The following MICU3 variants were observed in gnomAD, a reference collection of about 807,000 sequenced individuals.
MICU3 encodes mitochondrial calcium uptake 3.
MICU3 carries 62 observed loss-of-function variants against 66.5 expected under a neutral mutation model. The ratio of observed to expected loss-of-function variants is 0.93; its 90% CI spans 0.76 to 1.15. The LOEUF (loss-of-function observed/expected upper bound fraction) is 1.15. Among genes scored for constraint, MICU3 ranks in the 50% most tolerant of loss-of-function variants. MICU3 has a pLI of 0.00. For synonymous variants in MICU3, 308 were observed against 240.7 expected (o/e 1.28, Z -2.59); for missense variants, 779 against 664.4 (o/e 1.17, Z -1.90).
intron 3 of MICU3, among the ~76,000 whole-genome samples, chr8:17,072,605 A>G (rs1819761363): frequency 6.6e-6 from 1 of 152,206 alleles, no homozygotes; most frequent in African/African-American, 2.4e-5. Context: ...CAACATATCA[A>G]CAGAAGAGGG....
Position 17,069,672 on chromosome 8 carries a change from C to A in MICU3, c.536-16C>A. The A allele has an allele frequency of 6.7e-7, 1 of 1,487,072 alleles. No individual in the cohort carries two copies. Among genetic ancestry groups the A allele is most frequent in the Non-Finnish European group, 9.2e-7 (1 of 1,090,480 alleles). 92.1% of individuals were successfully genotyped at this position (1,487,072 alleles called of 1,614,324 possible). A position where few individuals can be genotyped will look rare whatever the true frequency, so the allele number is the denominator to read the frequency against. ...AAGTATTTATTATCTAATTATCTTA[C>A]ATTTGTTTATTTTAGTTGCCAAAAC... On this transcript the variant is annotated splice_polypyrimidine_tract_variant and intron_variant, in intron 2 of 14. Transcript: ENST00000318063.
At chr8:17,064,324 G>C in intron 2 of MICU3, 87 bp downstream of exon 2, 1 of 960,422 alleles carries the variant, frequency 1.0e-6, no homozygotes, top group African/African-American at 1.7e-5. Context: ...AAGTTTTTTA[G>C]AAGAACTGAG....
rs956634910 is a variant in MICU3, at chr8:17,122,235, A to G, written c.*1948A>G. ...GAATAAATAAATGTTCTGATAAAAT[A>G]GAAAAGAAAGTAAATTACAGTGATT... On this transcript the variant is annotated 3_prime_UTR_variant, in exon 15 of 15. Coordinates refer to ENST00000318063, the MANE Select transcript of MICU3 (RefSeq NM_181723.3). 3 of 151,888 alleles carry G rather than the reference A, an allele frequency of 2.0e-5. No individual in the cohort carries two copies. The highest frequency in any genetic ancestry group is 3.0e-5 in the Non-Finnish European group (2 of 67,766). 9.4% of individuals were successfully genotyped at this position (151,888 alleles called of 1,614,324 possible).
chr8:17,046,022 G>C (rs1280853014), intron 1 of MICU3, among the ~76,000 whole-genome samples: 2 of 152,196 alleles, frequency 1.3e-5, no homozygotes, highest in Non-Finnish European at 2.9e-5. Context: ...CTCTTCATCT[G>C]TATGCTTTGC....
chr8:17,070,642 T>TA (rs1819428145), intron 3 of MICU3, among the ~76,000 whole-genome samples: 1 of 150,806 alleles, frequency 6.6e-6, no homozygotes, highest in African/African-American at 2.4e-5. Flanking sequence ...AGATATGTTT[T>TA]TTTTTTTTAA....
In MICU3 at chr8:17,105,650, GC is replaced by G. The variant is rs1394725472; in HGVS notation, c.1257+69del. 8.5e-5 allele frequency: 77 copies of G among 907,432 alleles called. No individual in the cohort carries two copies. In the East Asian group the frequency reaches 1.9e-3, roughly 23 times the overall value. 56.2% of individuals were successfully genotyped at this position (907,432 alleles called of 1,614,324 possible). On this transcript the variant is annotated intron_variant, in intron 11 of 14. Coordinates refer to ENST00000318063, the MANE Select transcript of MICU3 (RefSeq NM_181723.3). Reference sequence around the variant, plus strand: ...GCAATACGTGCCTCTAAAACACATTGCCCTTTTGTTAGTTCTTTGGCTTCTC... The same window carrying G: ...GCAATACGTGCCTCTAAAACACATTGCCTTTTGTTAGTTCTTTGGCTTCTC...
Position 17,042,605 on chromosome 8 carries a change from C to T in MICU3, c.381+14945C>T, listed in dbSNP as rs562998176. Among the ~76,000 whole-genome samples the T allele has an allele frequency of 4.6e-5, 7 of 152,206 alleles. No individual in the cohort carries two copies. In the South Asian group the frequency reaches 1.5e-3, roughly 32 times the overall value. On this transcript the variant is annotated intron_variant, in intron 1 of 14. Coordinates refer to ENST00000318063, the MANE Select transcript of MICU3 (RefSeq NM_181723.3). ...CAGTGCTGAATTGTTTTATTGGTTACCATAGTAGTGCTACCATAGCATAGT... is the reference window on the plus strand; with the variant it reads ...CAGTGCTGAATTGTTTTATTGGTTATCATAGTAGTGCTACCATAGCATAGT...
At chr8:17,030,550 G>A (rs753225486) in intron 1 of MICU3, among the ~76,000 whole-genome samples, 1 of 152,094 alleles carries the variant, frequency 6.6e-6, no homozygotes, top group Admixed American at 6.5e-5. Flanking sequence ...TCTTATTAGT[G>A]TAACATCCAA....
chr8:17,069,780 A>G, intron 3 of MICU3, 61 bp downstream of exon 3: 1 of 544,694 alleles, frequency 1.8e-6, no homozygotes, highest in Non-Finnish European at 2.9e-6. Context: ...ATATACATAT[A>G]TAATTAAAAT....
intron 4 of MICU3, among the ~76,000 whole-genome samples, chr8:17,081,082 G>A (rs549214799): frequency 3.7e-4 from 57 of 152,120 alleles, no homozygotes; most frequent in African/African-American, 1.4e-3. Flanking sequence ...CAAGTATGGA[G>A]TTACTGAGAA....
intron 1 of MICU3, among the ~76,000 whole-genome samples, chr8:17,034,357 A>C (rs900158817): frequency 6.6e-6 from 1 of 152,258 alleles, no homozygotes; most frequent in South Asian, 2.1e-4. Context: ...CAAGGAGATC[A>C]GTGTTTTTAT....
chr8:17,037,406 G>T (rs981630930), intron 1 of MICU3, among the ~76,000 whole-genome samples: 4 of 152,222 alleles, frequency 2.6e-5, no homozygotes, highest in Non-Finnish European at 2.9e-5. Context: ...ACATTCTTGA[G>T]ACTTGGTACC....
chr8:17,046,940 A>G lies in MICU3; in HGVS notation c.382-17144A>G, dbSNP rs79634307. ...GACATAGCTGGCAGAAAGAAAAGCA[A>G]AACTTCTTTGGAAGGAAAAGCCCTT... is the stretch of plus-strand genomic sequence containing the variant. On this transcript the variant is annotated intron_variant, in intron 1 of 14. Transcript: ENST00000318063. 6.6e-5 allele frequency among the ~76,000 whole-genome samples: 10 copies of G among 152,242 alleles called. No individual in the cohort carries two copies. In the East Asian group the frequency reaches 1.9e-3, roughly 30 times the overall value.
chr8:17,086,899 G>C (rs1445634530), intron 6 of MICU3, 65 bp from the exon 7 acceptor site: 3 of 1,045,946 alleles, frequency 2.9e-6, no homozygotes, highest in Non-Finnish European at 4.4e-6. Context: ...ACCTAGTCCA[G>C]AATAGTAGAT....
chr8:17,079,470 G>T (rs545504968), intron 4 of MICU3, among the ~76,000 whole-genome samples: 7 of 152,024 alleles, frequency 4.6e-5, no homozygotes, highest in Admixed American at 2.0e-4. Flanking sequence ...TTTAAATAGC[G>T]ATTAAGTGGC....
intron 9 of MICU3, among the ~76,000 whole-genome samples, chr8:17,100,702 C>G (rs1325740597): frequency 6.6e-6 from 1 of 151,662 alleles, no homozygotes; most frequent in African/African-American, 2.4e-5. Context: ...GGAGCTGTTT[C>G]TAACCATAGA....
At chr8:17,118,562 C>T (rs1426125557) in intron 13 of MICU3, 145 bp from the exon 14 acceptor site, 1 of 467,158 alleles carries the variant, frequency 2.1e-6, no homozygotes, top group East Asian at 3.3e-5. Flanking sequence ...CCTTTCCTCC[C>T]CAGTCCCCCA....
At position 17,120,669 on chromosome 8, in the gene MICU3, G is replaced by C. The variant is rs1026543130; in HGVS notation, c.*382G>C. On this transcript the variant is annotated 3_prime_UTR_variant, in exon 15 of 15. Coordinates refer to ENST00000318063, the MANE Select transcript of MICU3 (RefSeq NM_181723.3). ...AATAATTTATGACTCATGGAATGTT[G>C]ATCGCCTAAAAATGAACATCGCATT... is the stretch of plus-strand genomic sequence containing the variant. 4 of 152,282 alleles carry C rather than the reference G, an allele frequency of 2.6e-5. No individual in the cohort carries two copies. The highest frequency in any genetic ancestry group is 9.7e-5 in the African/African-American group (4 of 41,380). The allele number at this position is 152,282 out of a possible 1,614,324, so 9.4% of individuals were successfully genotyped here.
intron 1 of MICU3, among the ~76,000 whole-genome samples, chr8:17,029,684 A>G (rs907674201): frequency 6.6e-6 from 1 of 152,012 alleles, no homozygotes; most frequent in Admixed American, 6.6e-5. Flanking sequence ...TGATCTGTTT[A>G]TCCCTGGTGC....
Sources: allele counts gnomAD v4.1 joint callset (sites outside exome capture counted in the v4.1 genomes callset), GRCh38; gene constraint gnomAD v4.1.1; transcripts MANE v1.5; gene names NCBI Gene and HGNC (gene_info 2026-07-23, HGNC 2026-07-21).